Variants in SMIM13 observed in about 807,000 individuals in gnomAD.
SMIM13 encodes UPF0766 protein C6orf228.
SMIM13 carries 3 observed loss-of-function variants against 5.9 expected under a neutral mutation model. The observed-to-expected ratio is 0.51, with a 90% CI of 0.23 to 1.31. SMIM13 has a LOEUF of 1.31. SMIM13 is among the 40% of genes most tolerant of loss of function. The pLI, the probability that SMIM13 is intolerant of heterozygous loss-of-function variation, is 0.18. For synonymous variants in SMIM13, 55 were observed against 46.0 expected, an observed-to-expected ratio of 1.19 and a Z score of -0.79; for missense variants, 85 against 109.9, an observed-to-expected ratio of 0.77 and a Z score of 1.01.
At chr6:11,132,223 AC>A (rs1201930596) in intron 1 of SMIM13, among the ~76,000 whole-genome samples, 2 of 152,208 alleles carry the variant, frequency 1.3e-5, no homozygotes, top group African/African-American at 4.8e-5. Context: ...TTCGTGATAT[AC>A]CATCATGCCT....
At chr6:11,097,922 C>T (rs780224591) in intron 1 of SMIM13, among the ~76,000 whole-genome samples, 1 of 152,076 alleles carries the variant, frequency 6.6e-6, no homozygotes, top group Non-Finnish European at 1.5e-5. Flanking sequence ...AATTCACCCA[C>T]ATAACTTATC....
chr6:11,138,023 G>T lies in SMIM13; in HGVS notation c.*3421G>T, dbSNP rs1758537063. ...AAAACATGTTGAAAGATTTGAAAGT[G>T]GTGCATTTTTACTTTTAAGAGCAGC... On this transcript the variant is annotated 3_prime_UTR_variant, in exon 2 of 2. Transcript: ENST00000416247. 1 of 152,178 alleles carries T rather than the reference G, an allele frequency of 6.6e-6. No individual in the cohort carries two copies. The highest frequency in any genetic ancestry group is 2.4e-5 in the African/African-American group (1 of 41,536). 9.4% of individuals were successfully genotyped at this position (152,178 alleles called of 1,614,324 possible).
At chr6:11,104,440 A>G in intron 1 of SMIM13, 1 of 1,551,806 alleles carries the variant, frequency 6.4e-7, no homozygotes, top group Non-Finnish European at 8.7e-7. Flanking sequence ...GTTTTAAGGC[A>G]TGTAGAGATA....
chr6:11,121,516 C>T (rs1758309432), intron 1 of SMIM13, among the ~76,000 whole-genome samples: 1 of 152,168 alleles, frequency 6.6e-6, no homozygotes, highest in African/African-American at 2.4e-5. Flanking sequence ...GTCATTAGGG[C>T]CCAGAGTCCG....
At chr6:11,109,669 T>G (rs1210508345) in intron 1 of SMIM13, among the ~76,000 whole-genome samples, 1 of 152,248 alleles carries the variant, frequency 6.6e-6, no homozygotes, top group Admixed American at 6.5e-5. Context: ...TTTAAATTTG[T>G]GCTTCTATTT....
chr6:11,103,982 A>G, intron 1 of SMIM13: 1 of 1,551,622 alleles, frequency 6.4e-7, no homozygotes, highest in Non-Finnish European at 8.7e-7. Context: ...TTCCTGATTG[A>G]TTTACCCAAA....
intron 1 of SMIM13, among the ~76,000 whole-genome samples, chr6:11,125,943 T>G (rs1216236851): frequency 2.0e-5 from 3 of 152,232 alleles, no homozygotes; most frequent in Non-Finnish European, 4.4e-5. Flanking sequence ...TACCTCCTCT[T>G]TAAGGCCTGT....
In SMIM13 at chr6:11,094,260, G is replaced by A; in HGVS notation, c.-54G>A. Reference sequence around the variant, plus strand: ...AAGCGCAGGACGCGCCGCCGCCCGCGCTCACCGCCGTCCGCGCCAGCCGCC... The same window carrying A: ...AAGCGCAGGACGCGCCGCCGCCCGCACTCACCGCCGTCCGCGCCAGCCGCC... On this transcript the variant is annotated 5_prime_UTR_variant, in exon 1 of 2. Coordinates refer to ENST00000416247, the MANE Select transcript of SMIM13 (RefSeq NM_001135575.2). 8 of 1,177,678 alleles carry A rather than the reference G, an allele frequency of 6.8e-6. No homozygotes were observed. The highest frequency in any genetic ancestry group is 1.6e-5 in the African/African-American group (1 of 62,864). 73.0% of individuals were successfully genotyped at this position (1,177,678 alleles called of 1,614,324 possible).
Position 11,131,758 on chromosome 6 carries a change from A to G in SMIM13, c.77-2645A>G, listed in dbSNP as rs114557660. ...AAGGATGAATTTGGACCCCTCTCTT[A>G]TACCAAAATTAACAAAACTGGATTG... On this transcript the variant is annotated intron_variant, in intron 1 of 1. Transcript: ENST00000416247. Among the ~76,000 whole-genome samples the G allele has an allele frequency of 7.8e-3, 1,189 of 152,294 alleles. 18 individuals are homozygous for G. Among genetic ancestry groups the G allele is most frequent in the African/African-American group, 0.027 (1,104 of 41,546 alleles).
At position 11,138,341 on chromosome 6, in the gene SMIM13, A is replaced by G. The variant is rs1296513130; in HGVS notation, c.*3739A>G. 6.6e-6 allele frequency: 1 copy of G among 152,162 alleles called. No individual in the cohort carries two copies. The highest frequency in any genetic ancestry group is 1.9e-4 in the East Asian group (1 of 5,198). The allele number at this position is 152,162 out of a possible 1,614,324, so 9.4% of individuals were successfully genotyped here. ...CTTAAAGTGTAAAGAGTAACATTTT[A>G]TCTTATGTCAATTAAAGTTACATTT... On this transcript the variant is annotated 3_prime_UTR_variant, in exon 2 of 2. Coordinates refer to ENST00000416247, the MANE Select transcript of SMIM13 (RefSeq NM_001135575.2).
intron 1 of SMIM13, among the ~76,000 whole-genome samples, chr6:11,094,678 A>G (rs1416728186): frequency 6.6e-6 from 1 of 152,136 alleles, no homozygotes; most frequent in Non-Finnish European, 1.5e-5. Flanking sequence ...CATTCTCACC[A>G]CAGGCTGCCC....
intron 1 of SMIM13, among the ~76,000 whole-genome samples, chr6:11,126,847 G>A (rs1758384120): frequency 6.6e-6 from 1 of 152,150 alleles, no homozygotes; most frequent in African/African-American, 2.4e-5. Context: ...TTTGCATTGG[G>A]AAGCATCCCA....
chr6:11,119,282 C>G (rs1027934311), intron 1 of SMIM13, among the ~76,000 whole-genome samples: 1 of 152,186 alleles, frequency 6.6e-6, no homozygotes, highest in Non-Finnish European at 1.5e-5. Flanking sequence ...CACTCACTCA[C>G]TGTTTTTGAG....
intron 1 of SMIM13, among the ~76,000 whole-genome samples, chr6:11,123,273 A>C (rs578215015): frequency 6.6e-6 from 1 of 152,176 alleles, no homozygotes; most frequent in African/African-American, 2.4e-5. Context: ...ATGCTGAGCA[A>C]ATGACCTCAG....
chr6:11,127,079 A>G (rs1222653719), intron 1 of SMIM13, among the ~76,000 whole-genome samples: 2 of 152,244 alleles, frequency 1.3e-5, no homozygotes, highest in African/African-American at 4.8e-5. Flanking sequence ...GTGCTGAGTC[A>G]GACTCGAAGC....
chr6:11,125,738 TTGC>T (rs1350276077), intron 1 of SMIM13, among the ~76,000 whole-genome samples: 1 of 152,178 alleles, frequency 6.6e-6, no homozygotes, highest in African/African-American at 2.4e-5. Flanking sequence ...TTCTTTTCTC[TTGC>T]TGCTTTTAGG....
intron 1 of SMIM13, chr6:11,104,248 T>G: frequency 6.4e-7 from 1 of 1,551,622 alleles, no homozygotes; most frequent in African/African-American, 1.4e-5. Context: ...AGAAGGGGAA[T>G]GAAATGGATT....
At position 11,134,797 on chromosome 6, in the gene SMIM13, T is replaced by TA. The variant is rs1758498598; in HGVS notation, c.*197dup. 1 of 418,142 alleles carries TA rather than the reference T, an allele frequency of 2.4e-6. No individual in the cohort carries two copies. Among genetic ancestry groups the TA allele is most frequent in the Non-Finnish European group, 4.2e-6 (1 of 240,860 alleles). The allele number at this position is 418,142 out of a possible 1,614,324, so 25.9% of individuals were successfully genotyped here. A position where few individuals can be genotyped will look rare whatever the true frequency, so the allele number is the denominator to read the frequency against. ...ACTATTATAAATTTCATCTTAAAGATAATCTTTTGTTTCACCAGCTTTCTA... is the reference window on the plus strand; with the variant it reads ...ACTATTATAAATTTCATCTTAAAGATAAATCTTTTGTTTCACCAGCTTTCTA... On this transcript the variant is annotated 3_prime_UTR_variant, in exon 2 of 2. Transcript: ENST00000416247.
intron 1 of SMIM13, among the ~76,000 whole-genome samples, chr6:11,123,272 A>G (rs1316848271): frequency 2.6e-5 from 4 of 152,202 alleles, no homozygotes. Context: ...AATGCTGAGC[A>G]AATGACCTCA....
Sources: allele counts gnomAD v4.1 joint callset (sites outside exome capture counted in the v4.1 genomes callset), GRCh38; gene constraint gnomAD v4.1.1; transcripts MANE v1.5; gene names NCBI Gene and HGNC (gene_info 2026-07-23, HGNC 2026-07-21).